Variants in ZC4H2 observed in about 807,000 individuals in gnomAD.
The protein encoded by ZC4H2 is zinc finger C4H2-type containing, also known as zinc finger C4H2 domain-containing protein.
For missense variants in ZC4H2, 137 were observed against 173.9 expected, an observed-to-expected ratio of 0.79 and a Z score of 1.19; for synonymous variants, 84 against 66.3, an observed-to-expected ratio of 1.27 and a Z score of -1.30.
At chrX:64,969,112 C>A (rs1360495177) in intron 1 of ZC4H2, among the ~76,000 whole-genome samples, 2 of 112,088 alleles carry the variant, frequency 1.8e-5, no homozygotes, top group African/African-American at 6.5e-5. Flanking sequence ...CTCTTAATAC[C>A]ATCAAAATGG....
intron 1 of ZC4H2, among the ~76,000 whole-genome samples, chrX:64,994,526 C>T (rs1391189694): frequency 8.9e-6 from 1 of 112,315 alleles, no homozygotes; most frequent in African/African-American, 3.2e-5. Flanking sequence ...GAACCCTGCA[C>T]TCTTTTTTTA....
chrX:65,014,561 C>T, intron 1 of ZC4H2, among the ~76,000 whole-genome samples: 1 of 111,673 alleles, frequency 9.0e-6, no homozygotes. Context: ...TCACCAAGCT[C>T]TACAGAAAAA....
At chrX:64,937,612 A>G (rs756527347) in intron 1 of ZC4H2, among the ~76,000 whole-genome samples, 17 of 112,111 alleles carry the variant, frequency 1.5e-4, no homozygotes, top group African/African-American at 5.5e-4. Flanking sequence ...TTAAATTAGA[A>G]CTCAGAATTA....
At chrX:64,968,938 C>G (rs1225072961) in intron 1 of ZC4H2, among the ~76,000 whole-genome samples, 2 of 111,636 alleles carry the variant, frequency 1.8e-5, no homozygotes, top group African/African-American at 3.3e-5. Context: ...AAGATGGCAC[C>G]TTGTTGCTGC....
chrX:65,027,841 T>C (rs1932895041), intron 1 of ZC4H2, among the ~76,000 whole-genome samples: 1 of 111,857 alleles, frequency 8.9e-6, no homozygotes, highest in South Asian at 3.8e-4. Flanking sequence ...CTGTTTGAAG[T>C]GGGCATCTTC....
chrX:64,967,746 A>C (rs1033282927), intron 1 of ZC4H2, among the ~76,000 whole-genome samples: 1 of 112,294 alleles, frequency 8.9e-6, no homozygotes, highest in Non-Finnish European at 1.9e-5. Flanking sequence ...GGACTAGCAC[A>C]AGGCACATAG....
intron 1 of ZC4H2, among the ~76,000 whole-genome samples, chrX:64,956,525 G>A (rs1931162390): frequency 9.0e-6 from 1 of 111,316 alleles, no homozygotes; most frequent in African/African-American, 3.3e-5. Context: ...TGAATTACAC[G>A]CTGAGACCAG....
At chrX:64,928,358 A>C (rs1299368715) in intron 1 of ZC4H2, among the ~76,000 whole-genome samples, 1 of 111,911 alleles carries the variant, frequency 8.9e-6, no homozygotes, top group Non-Finnish European at 1.9e-5. Context: ...CAGTTTTCCC[A>C]ACACCATTTA....
chrX:64,946,598 C>T (rs1220867229), intron 1 of ZC4H2, among the ~76,000 whole-genome samples: 1 of 110,195 alleles, frequency 9.1e-6, no homozygotes, highest in Admixed American at 9.7e-5. Flanking sequence ...CACACACACA[C>T]ACACACACAC....
intron 1 of ZC4H2, among the ~76,000 whole-genome samples, chrX:64,969,942 T>C (rs1337314368): frequency 9.0e-6 from 1 of 111,571 alleles, no homozygotes; most frequent in African/African-American, 3.3e-5. Flanking sequence ...GGGTGTAAGT[T>C]AAATGGGCAG....
At chrX:64,978,175 T>C (rs1050416485), upstream of ZC4H2, among the ~76,000 whole-genome samples, 1 of 111,901 alleles carries the variant, frequency 8.9e-6, no homozygotes, top group African/African-American at 3.3e-5. Flanking sequence ...TCATGCTGAA[T>C]ACAGGGCTTG....
intron 1 of ZC4H2, among the ~76,000 whole-genome samples, chrX:64,972,370 T>C (rs773968421): frequency 8.7e-4 from 97 of 111,538 alleles, no homozygotes; most frequent in African/African-American, 3.0e-3. Context: ...GCTCGTGTCT[T>C]GATGTGTGTA....
At chrX:65,032,080 C>G (rs1932939625) in intron 1 of ZC4H2, among the ~76,000 whole-genome samples, 1 of 111,061 alleles carries the variant, frequency 9.0e-6, no homozygotes, top group Admixed American at 9.6e-5. Flanking sequence ...ACCTTTCTAT[C>G]GTAGTAAAGG....
At chrX:65,017,994 TAA>T (rs943684804) in intron 1 of ZC4H2, among the ~76,000 whole-genome samples, 8 of 111,667 alleles carry the variant, frequency 7.2e-5, no homozygotes, top group African/African-American at 2.3e-4. Flanking sequence ...TGCCAGTATC[TAA>T]AGAGCTTCTG....
intron 1 of ZC4H2, among the ~76,000 whole-genome samples, chrX:64,945,598 G>A (rs972527777): frequency 1.8e-5 from 2 of 111,602 alleles, no homozygotes; most frequent in African/African-American, 6.5e-5. Context: ...CCTTAGCATA[G>A]CTCTAGCACT....
At chrX:64,978,577 C>A (rs761870251), upstream of ZC4H2, among the ~76,000 whole-genome samples, 1 of 111,629 alleles carries the variant, frequency 9.0e-6, no homozygotes, top group East Asian at 2.8e-4. Flanking sequence ...CTCACAACCA[C>A]TATGAAGGGG....
intron 1 of ZC4H2, among the ~76,000 whole-genome samples, chrX:64,958,426 T>G (rs1469705743): frequency 8.9e-6 from 1 of 111,939 alleles, no homozygotes; most frequent in African/African-American, 3.3e-5. Flanking sequence ...TGTACATATA[T>G]GTGTATATAA....
chrX:65,017,671 G>A (rs752731608), intron 1 of ZC4H2, among the ~76,000 whole-genome samples: 1 of 111,825 alleles, frequency 8.9e-6, no homozygotes, highest in Admixed American at 9.5e-5. Flanking sequence ...TATTTCACTA[G>A]GGTTGTAACT....
At chrX:65,015,137 C>G (rs1932788996) in intron 1 of ZC4H2, among the ~76,000 whole-genome samples, 2 of 111,507 alleles carry the variant, frequency 1.8e-5, no homozygotes, top group African/African-American at 6.5e-5. Context: ...TTCATATCAG[C>G]CTAAGGGAAA....
Sources: allele counts gnomAD v4.1 joint callset (sites outside exome capture counted in the v4.1 genomes callset), GRCh38; gene constraint gnomAD v4.1.1; transcripts MANE v1.5; gene names NCBI Gene and HGNC (gene_info 2026-07-23, HGNC 2026-07-21).